CTNND2: variants seen among roughly 807,000 people sequenced by gnomAD.
CTNND2 encodes the protein catenin delta-2.
A neutral mutation model predicts 144.4 loss-of-function variants in CTNND2; 22 were observed. That is an observed-to-expected ratio of 0.15 (90% CI 0.11 to 0.22). The LOEUF (loss-of-function observed/expected upper bound fraction) is 0.22, where lower values mean the gene tolerates loss of function less well. CTNND2 is among the 10% of genes least tolerant of loss of function. The probability of loss-of-function intolerance (pLI) is 1.00; values close to 1 mark genes in which losing one functional copy is unlikely to be tolerated. For synonymous variants in CTNND2, 751 were observed against 695.6 expected, an observed-to-expected ratio of 1.08 and a Z score of -1.25; for missense variants, 1,353 against 1,618.8, an observed-to-expected ratio of 0.84 and a Z score of 2.82.
intron 1 of CTNND2, among the ~76,000 whole-genome samples, chr5:11,757,406 T>C (rs550843419): frequency 1.4e-4 from 22 of 151,990 alleles, no homozygotes; most frequent in East Asian, 3.9e-4. Flanking sequence ...CTCATAAATA[T>C]ATGTTGAAAT....
chr5:11,381,936 T>C (rs1758525874), intron 7 of CTNND2, among the ~76,000 whole-genome samples: 1 of 151,924 alleles, frequency 6.6e-6, no homozygotes. Context: ...CACGGCACTC[T>C]AGCCTGGGTG....
intron 1 of CTNND2, among the ~76,000 whole-genome samples, chr5:11,792,766 G>T (rs1221067102): frequency 6.6e-6 from 1 of 152,106 alleles, no homozygotes; most frequent in African/African-American, 2.4e-5. Context: ...CCTCTTAAAA[G>T]AAAAATATTC....
intron 12 of CTNND2, among the ~76,000 whole-genome samples, chr5:11,126,726 A>C (rs1754717205): frequency 6.6e-6 from 1 of 152,254 alleles, no homozygotes; most frequent in Admixed American, 6.5e-5. Context: ...AAACAAATAT[A>C]GGCTGAAATG....
At chr5:11,745,417 G>A (rs1326798385) in intron 1 of CTNND2, among the ~76,000 whole-genome samples, 1 of 152,270 alleles carries the variant, frequency 6.6e-6, no homozygotes, top group Admixed American at 6.5e-5. Context: ...ACTGGCATAC[G>A]TATATGAGTT....
chr5:11,058,381 A>T (rs1392776020), intron 16 of CTNND2, among the ~76,000 whole-genome samples: 1 of 152,230 alleles, frequency 6.6e-6, no homozygotes, highest in Non-Finnish European at 1.5e-5. Context: ...AAAGGGGCCA[A>T]TGGAGACCTC....
chr5:11,870,030 T>C (rs531988476), intron 1 of CTNND2, among the ~76,000 whole-genome samples: 17 of 152,250 alleles, frequency 1.1e-4, no homozygotes, highest in South Asian at 1.0e-3. Flanking sequence ...TACTTACACA[T>C]AGACTGATTT....
At chr5:11,466,485 C>T (rs948632612) in intron 3 of CTNND2, among the ~76,000 whole-genome samples, 1 of 152,018 alleles carries the variant, frequency 6.6e-6, no homozygotes, top group Non-Finnish European at 1.5e-5. Flanking sequence ...TAATCAAATC[C>T]ACACTAGACT....
chr5:11,220,684 T>C (rs1739697470), intron 10 of CTNND2, among the ~76,000 whole-genome samples: 1 of 152,174 alleles, frequency 6.6e-6, no homozygotes, highest in Non-Finnish European at 1.5e-5. Flanking sequence ...GTCCCAGGCA[T>C]GCTACTGGAA....
At chr5:11,623,602 G>A (rs1383918633) in intron 2 of CTNND2, among the ~76,000 whole-genome samples, 7 of 151,490 alleles carry the variant, frequency 4.6e-5, no homozygotes, top group Middle Eastern at 3.4e-3. Flanking sequence ...CACATGCAAC[G>A]ACACCCATAG....
chr5:11,818,352 G>T (rs1793128005), intron 1 of CTNND2, among the ~76,000 whole-genome samples: 1 of 151,752 alleles, frequency 6.6e-6, no homozygotes, highest in Non-Finnish European at 1.5e-5. Context: ...GACCCAAGCA[G>T]CCTGGCTCCT....
chr5:10,996,033 G>T (rs1288525375), intron 18 of CTNND2, among the ~76,000 whole-genome samples: 2 of 152,180 alleles, frequency 1.3e-5, no homozygotes, highest in East Asian at 3.9e-4. Context: ...GAGTTGGGTG[G>T]GGAGCGAGCT....
intron 16 of CTNND2, among the ~76,000 whole-genome samples, chr5:11,030,121 T>A (rs1561197135): frequency 6.6e-6 from 1 of 152,140 alleles, no homozygotes. Flanking sequence ...GCTGATAACC[T>A]TATTTTGGAT....
chr5:11,857,549 A>C (rs577073056), intron 1 of CTNND2, among the ~76,000 whole-genome samples: 1 of 152,160 alleles, frequency 6.6e-6, no homozygotes, highest in African/African-American at 2.4e-5. Flanking sequence ...GAGGCCTGCA[A>C]ATCTTGTCAT....
intron 2 of CTNND2, among the ~76,000 whole-genome samples, chr5:11,659,647 T>C (rs899942207): frequency 6.6e-6 from 1 of 152,086 alleles, no homozygotes; most frequent in Non-Finnish European, 1.5e-5. Flanking sequence ...GGCTGCTCCA[T>C]ACCATCCAGC....
At chr5:11,517,673 G>A (rs1772298995) in intron 3 of CTNND2, among the ~76,000 whole-genome samples, 1 of 151,968 alleles carries the variant, frequency 6.6e-6, no homozygotes, top group Admixed American at 6.6e-5. Flanking sequence ...CATAACGCAT[G>A]CAGGGCATAA....
At chr5:11,734,150 A>G (rs1378863280) in intron 1 of CTNND2, among the ~76,000 whole-genome samples, 1 of 152,220 alleles carries the variant, frequency 6.6e-6, no homozygotes, top group Non-Finnish European at 1.5e-5. Context: ...TCCCAGCTCC[A>G]GAACTTCAAG....
intron 1 of CTNND2, among the ~76,000 whole-genome samples, chr5:11,823,977 G>A (rs566663782): frequency 1.5e-4 from 22 of 151,418 alleles, no homozygotes; most frequent in African/African-American, 2.7e-4. Context: ...GCATGGTGGC[G>A]GGATGCCTGT....
chr5:11,844,826 A>C (rs1356879830), intron 1 of CTNND2, among the ~76,000 whole-genome samples: 1 of 152,090 alleles, frequency 6.6e-6, no homozygotes, highest in African/African-American at 2.4e-5. Flanking sequence ...AGTCACATTA[A>C]TATTGTTAAT....
chr5:11,291,941 C>T (rs1050972911), intron 9 of CTNND2, among the ~76,000 whole-genome samples: 4 of 151,932 alleles, frequency 2.6e-5, no homozygotes, highest in African/African-American at 9.7e-5. Context: ...ACAAAGTTTC[C>T]CTAAATTTAA....
Sources: allele counts gnomAD v4.1 joint callset (sites outside exome capture counted in the v4.1 genomes callset), GRCh38; gene constraint gnomAD v4.1.1; transcripts MANE v1.5; gene names NCBI Gene and HGNC (gene_info 2026-07-23, HGNC 2026-07-21).